Variants in TMEM184B observed in about 807,000 individuals in gnomAD.
The protein encoded by TMEM184B is transmembrane protein 184B, also known as putative MAPK-activating protein FM08.
A neutral mutation model predicts 41.8 loss-of-function variants in TMEM184B; 17 were observed. That is an observed-to-expected ratio of 0.41 (90% CI 0.28 to 0.61). TMEM184B has a LOEUF of 0.61. Ranked by LOEUF, TMEM184B falls within the 20% of genes least tolerant of loss-of-function variation. TMEM184B has a pLI of 0.34. For missense variants in TMEM184B, 393 were observed against 557.8 expected, an observed-to-expected ratio of 0.70 and a Z score of 2.98; for synonymous variants, 240 against 229.5, an observed-to-expected ratio of 1.05 and a Z score of -0.41.
At position 38,263,728 on chromosome 22, in the gene TMEM184B, C is replaced by T. The variant is rs115918137; in HGVS notation, c.-59+9156G>A. Among the ~76,000 whole-genome samples the T allele has an allele frequency of 2.1e-3, 327 of 152,244 alleles. 3 individuals are homozygous for T. Among genetic ancestry groups the T allele is most frequent in the African/African-American group, 7.5e-3 (312 of 41,528 alleles). On this transcript the variant is annotated intron_variant, in intron 1 of 8. Transcript: ENST00000361906. ...ACATCTGTAATTTTGGAAAATATTG[C>T]CAGAGAGGCACAGTACATTTAAATT...
At position 38,219,332 on chromosome 22, in the gene TMEM184B, T is replaced by C; in HGVS notation, c.*2137A>G. 1.0e-6 allele frequency: 1 copy of C among 985,822 alleles called. No homozygotes were observed. Among genetic ancestry groups the C allele is most frequent in the South Asian group, 4.7e-5 (1 of 21,284 alleles). The allele number at this position is 985,822 out of a possible 1,614,324, so 61.1% of individuals were successfully genotyped here. A position where few individuals can be genotyped will look rare whatever the true frequency, so the allele number is the denominator to read the frequency against. On this transcript the variant is annotated 3_prime_UTR_variant, in exon 9 of 9. Transcript: ENST00000361906. ...CTATATTATCTCATATATAGATTTC[T>C]TCCTCACTTTATTTGCTCACTTCTG...
intron 3 of TMEM184B, among the ~76,000 whole-genome samples, chr22:38,244,188 T>G (rs984064632): frequency 1.3e-5 from 2 of 152,088 alleles, no homozygotes; most frequent in Admixed American, 6.5e-5. Flanking sequence ...CTATGAGTTC[T>G]CAGGGATACA....
chr22:38,234,973 G>A (rs1415293124), intron 3 of TMEM184B, among the ~76,000 whole-genome samples: 1 of 152,188 alleles, frequency 6.6e-6, no homozygotes, highest in Non-Finnish European at 1.5e-5. Flanking sequence ...GATGAGCTGA[G>A]GGCACAGTCA....
chr22:38,242,060 G>C (rs2091922346), intron 3 of TMEM184B, among the ~76,000 whole-genome samples: 1 of 152,058 alleles, frequency 6.6e-6, no homozygotes, highest in Non-Finnish European at 1.5e-5. Flanking sequence ...TGAAAGTACA[G>C]TGAACTTCAG....
chr22:38,235,623 C>G (rs1391510573), intron 3 of TMEM184B, among the ~76,000 whole-genome samples: 1 of 152,152 alleles, frequency 6.6e-6, no homozygotes, highest in East Asian at 1.9e-4. Context: ...ATAATGGACT[C>G]CCTAATTCTT....
intron 5 of TMEM184B, among the ~76,000 whole-genome samples, chr22:38,227,936 T>G (rs1033183544): frequency 1.3e-5 from 2 of 152,122 alleles, no homozygotes; most frequent in African/African-American, 4.8e-5. Flanking sequence ...CAAATAAATC[T>G]AAGCCCTAAG....
intron 1 of TMEM184B, among the ~76,000 whole-genome samples, chr22:38,263,193 G>GC (rs2092396106): frequency 6.6e-6 from 1 of 152,040 alleles, no homozygotes; most frequent in African/African-American, 2.4e-5. Flanking sequence ...GTGAGCCACC[G>GC]CACCTGGCCC....
At position 38,226,457 on chromosome 22, in the gene TMEM184B, T is replaced by C. The variant is rs1254464000; in HGVS notation, c.617+322A>G. The C allele has an allele frequency of 3.3e-6, 1 of 307,420 alleles. No individual in the cohort carries two copies. The highest frequency in any genetic ancestry group is 2.1e-5 in the African/African-American group (1 of 47,240). 19.0% of individuals were successfully genotyped at this position (307,420 alleles called of 1,614,324 possible). On this transcript the variant is annotated intron_variant, in intron 6 of 8. Transcript: ENST00000361906. This position sits in a 1 kb window ranked among gnomAD's most constrained non-coding sequence, Gnocchi z 4.6. ...CAGCACGGGCTTTGTATCTGTGGAC[T>C]TGAGCCGACCTCTTGGGGCTCTGAC...
At chr22:38,242,707 G>A (rs1448949006) in intron 3 of TMEM184B, among the ~76,000 whole-genome samples, 1 of 152,242 alleles carries the variant, frequency 6.6e-6, no homozygotes, top group Non-Finnish European at 1.5e-5. Flanking sequence ...AGAGGGGCTA[G>A]GACCCAGAGC....
chr22:38,256,415 T>TATTG (rs890876909), intron 1 of TMEM184B, among the ~76,000 whole-genome samples: 1 of 152,022 alleles, frequency 6.6e-6, no homozygotes, highest in African/African-American at 2.4e-5. Flanking sequence ...GTTTTCACCT[T>TATTG]ATTGGCCAGG....
chr22:38,250,429 A>G lies in TMEM184B; in HGVS notation c.-58-2410T>C, dbSNP rs148435458. ...AAAACTGGAGAAGGCGTCTATATAAAGAAATTCAAAAATGGAGAAGGTGTC... is the reference window on the plus strand; with the variant it reads ...AAAACTGGAGAAGGCGTCTATATAAGGAAATTCAAAAATGGAGAAGGTGTC... On this transcript the variant is annotated intron_variant, in intron 1 of 8. Coordinates refer to ENST00000361906, the MANE Select transcript of TMEM184B (RefSeq NM_012264.5). Among the ~76,000 whole-genome samples the G allele has an allele frequency of 4.9e-3, 750 of 152,380 alleles. 6 individuals carry two copies. Among genetic ancestry groups the G allele is most frequent in the Middle Eastern group, 0.01 (3 of 294 alleles).
intron 3 of TMEM184B, among the ~76,000 whole-genome samples, chr22:38,240,732 C>CCA (rs2091886498): frequency 1.5e-5 from 1 of 66,562 alleles, no homozygotes; most frequent in African/African-American, 6.1e-5. Context: ...GAAAAAAAGG[C>CCA]AAAAAAAAAA....
Position 38,247,954 on chromosome 22 carries a change from A to G in TMEM184B, c.8T>C (p.Val3Ala), listed in dbSNP as rs1281478786. 6 of 1,579,318 alleles carry G rather than the reference A, an allele frequency of 3.8e-6. No individual in the cohort carries two copies. In the African/African-American group the frequency reaches 6.7e-5, roughly 18 times the overall value. MT[V>A]RGDVLAPDPA... Reference sequence around the variant, plus strand: ...ATCCGGGGCCAGCACATCCCCCCTCACTGTCATGGTGCCTGGCAGCAGGAG... The same window carrying G: ...ATCCGGGGCCAGCACATCCCCCCTCGCTGTCATGGTGCCTGGCAGCAGGAG... The change falls in exon 2 of 9, where the codon GTG becomes GCG. Residue 3 changes from valine (V) to alanine (A), a missense_variant. Physicochemically the swap from Val to Ala is moderately conservative, Grantham distance 64. Around this residue, in one of 2 missense-constraint regions of TMEM184B, gnomAD observed 122 missense variants for 123.7 expected, o/e 0.99. Coordinates refer to ENST00000361906, the MANE Select transcript of TMEM184B (RefSeq NM_012264.5).
At chr22:38,259,063 C>T (rs981650976) in intron 1 of TMEM184B, among the ~76,000 whole-genome samples, 7 of 152,210 alleles carry the variant, frequency 4.6e-5, no homozygotes, top group Non-Finnish European at 1.0e-4. Context: ...CCTCCTCTTC[C>T]AGGAAAGACG....
intron 3 of TMEM184B, among the ~76,000 whole-genome samples, chr22:38,233,959 G>A (rs1016142251): frequency 6.6e-6 from 1 of 152,130 alleles, no homozygotes; most frequent in Non-Finnish European, 1.5e-5. Context: ...AGTACAGACA[G>A]GGTTTTACCA....
At chr22:38,238,662 A>G (rs1021825498) in intron 3 of TMEM184B, among the ~76,000 whole-genome samples, 5 of 152,170 alleles carry the variant, frequency 3.3e-5, no homozygotes, top group South Asian at 2.1e-4. Context: ...CCGGTTGGAC[A>G]GTGAATGAAG....
At chr22:38,224,535 G>GT (rs1414582903) in intron 8 of TMEM184B, among the ~76,000 whole-genome samples, 1 of 152,244 alleles carries the variant, frequency 6.6e-6, no homozygotes, top group African/African-American at 2.4e-5. Flanking sequence ...GTCTCTGTCT[G>GT]TATCAGCCCT....
chr22:38,269,360 A>G (rs892279741), intron 1 of TMEM184B, among the ~76,000 whole-genome samples: 7 of 152,186 alleles, frequency 4.6e-5, no homozygotes, highest in Admixed American at 6.5e-5. Context: ...AGCTGGGATT[A>G]TAGGTGTGTG....
chr22:38,224,994 A>T lies in TMEM184B; in HGVS notation c.788-15T>A. ...CAGGAGCATGCCTGGATGGGGAGGC[A>T]CGGGTGTCTGGACCCAGAATGATTC... is the stretch of plus-strand genomic sequence containing the variant. On this transcript the variant is annotated splice_polypyrimidine_tract_variant and intron_variant, in intron 7 of 8. Coordinates refer to ENST00000361906, the MANE Select transcript of TMEM184B (RefSeq NM_012264.5). 1 of 1,539,480 alleles carries T rather than the reference A, an allele frequency of 6.5e-7. No homozygotes were observed. The highest frequency in any genetic ancestry group is 2.4e-5 in the East Asian group (1 of 41,412).
Sources: gnomAD v4.1 joint callset for allele counts (sites outside exome capture counted in the v4.1 genomes callset) on GRCh38, gnomAD v4.1.1 for gene constraint, gnomAD v4.1.1 regional missense constraint, Gnocchi (gnomAD v3.1) non-coding constraint, MANE v1.5 for transcripts, NCBI Gene and HGNC (gene_info 2026-07-23, HGNC 2026-07-21) for gene names.